Variants in RHEB observed in about 807,000 individuals in gnomAD.
The protein encoded by RHEB is GTP-binding protein Rheb.
In RHEB, 2 loss-of-function variants were observed where a neutral mutation model predicts 28.8. The observed-to-expected ratio is 0.07, with a 90% confidence interval of 0.03 to 0.22. RHEB has a LOEUF of 0.22. RHEB is among the 10% of genes least tolerant of loss of function. The pLI is 1.00. For missense variants in RHEB, 76 were observed against 219.9 expected, an observed-to-expected ratio of 0.35 and a Z score of 4.14; for synonymous variants, 69 against 77.3, an observed-to-expected ratio of 0.89 and a Z score of 0.56.
chr7:151,514,184 A>G (rs74450914), intron 1 of RHEB, among the ~76,000 whole-genome samples: 4,902 of 152,314 alleles, frequency 0.032, 256 homozygotes, highest in African/African-American at 0.11. Flanking sequence ...GCAAAAGTAT[A>G]AAGTTCTATC....
At chr7:151,516,739 A>G (rs970796213) in intron 1 of RHEB, among the ~76,000 whole-genome samples, 21 of 152,324 alleles carry the variant, frequency 1.4e-4, no homozygotes, top group African/African-American at 5.1e-4. Context: ...CACAATGACA[A>G]GTATCCTACT....
At chr7:151,503,268 G>GC in intron 1 of RHEB, 2 of 783,370 alleles carry the variant, frequency 2.6e-6, no homozygotes, top group Non-Finnish European at 4.7e-6. Flanking sequence ...TCGAGAGCAT[G>GC]CCCCTGTTGG....
chr7:151,501,859 G>A (rs1388314506), intron 1 of RHEB: 2 of 600,342 alleles, frequency 3.3e-6, no homozygotes, highest in African/African-American at 1.9e-5. Flanking sequence ...TGGGCCCTTA[G>A]GGAAGAGGAG....
intron 4 of RHEB, among the ~76,000 whole-genome samples, chr7:151,473,438 A>AG (rs1802202042): frequency 6.6e-6 from 1 of 152,222 alleles, no homozygotes; most frequent in South Asian, 2.1e-4. Context: ...GAGAGACTGA[A>AG]GCAGAGGACA....
At position 151,467,040 on chromosome 7, in the gene RHEB, A is replaced by G; in HGVS notation, c.*79T>C. ...GGTTAACAGAAGAAAAAAGAAGCAT[A>G]GTTTATCTTCAAGGAGAACGGGCAG... On this transcript the variant is annotated 3_prime_UTR_variant, in exon 8 of 8. Coordinates refer to ENST00000262187, the MANE Select transcript of RHEB (RefSeq NM_005614.4). 1 of 1,014,160 alleles carries G rather than the reference A, an allele frequency of 9.9e-7. No individual in the cohort carries two copies. The highest frequency in any genetic ancestry group is 1.6e-6 in the Non-Finnish European group (1 of 644,972). The allele number at this position is 1,014,160 out of a possible 1,614,324, so 62.8% of individuals were successfully genotyped here.
At chr7:151,496,759 C>T (rs888747258) in intron 1 of RHEB, among the ~76,000 whole-genome samples, 1 of 151,960 alleles carries the variant, frequency 6.6e-6, no homozygotes, top group African/African-American at 2.4e-5. Flanking sequence ...TTCAACAAAC[C>T]TCTATGACTT....
intron 7 of RHEB, among the ~76,000 whole-genome samples, chr7:151,470,089 A>G (rs1802134000): frequency 6.6e-6 from 1 of 152,180 alleles, no homozygotes; most frequent in South Asian, 2.1e-4. Flanking sequence ...TTGAAGGCAC[A>G]TCTGCGGGGT....
intron 1 of RHEB, among the ~76,000 whole-genome samples, chr7:151,499,672 C>T (rs1289232334): frequency 6.6e-5 from 10 of 152,234 alleles, no homozygotes; most frequent in Non-Finnish European, 2.9e-5. Context: ...CAAACACCAA[C>T]TGAAGTCCTA....
chr7:151,491,615 T>C (rs945525382), intron 1 of RHEB, among the ~76,000 whole-genome samples: 3 of 152,044 alleles, frequency 2.0e-5, no homozygotes, highest in African/African-American at 7.2e-5. Flanking sequence ...CGGGCACCTG[T>C]AATCCCAGCT....
intron 1 of RHEB, among the ~76,000 whole-genome samples, chr7:151,493,107 C>T (rs1230310659): frequency 6.6e-6 from 1 of 152,130 alleles, no homozygotes; most frequent in Non-Finnish European, 1.5e-5. Context: ...TCCCAAAGTG[C>T]TGGGATGACA....
intron 2 of RHEB, among the ~76,000 whole-genome samples, chr7:151,489,822 T>C (rs1306448599): frequency 6.6e-6 from 1 of 152,238 alleles, no homozygotes; most frequent in East Asian, 1.9e-4. Context: ...GAAAAACCTT[T>C]CTTAGCTCTT....
Position 151,486,262 on chromosome 7 carries a change from CAGTTATCAAGTATA to C in RHEB, c.125-1472_125-1459del. 2.6e-5 allele frequency among the ~76,000 whole-genome samples: 4 copies of C among 152,270 alleles called. 1 individual carries two copies. The highest frequency in any genetic ancestry group is 2.6e-4 in the Admixed American group (4 of 15,290). On this transcript the variant is annotated intron_variant, in intron 2 of 7. Coordinates refer to ENST00000262187, the MANE Select transcript of RHEB (RefSeq NM_005614.4). ...ACCTTCAATTAGAACTAAGTAACTG[CAGTTATCAAGTATA>C]ATTATGATGACAAGGTTACTGAAAG...
chr7:151,492,838 ATTT>A (rs538597333), intron 1 of RHEB, among the ~76,000 whole-genome samples: 2 of 125,174 alleles, frequency 1.6e-5, no homozygotes, highest in East Asian at 2.3e-4. Context: ...AATTCTCAAC[ATTT>A]TTTTTTTTTT....
At chr7:151,513,642 G>C (rs1803028547) in intron 1 of RHEB, among the ~76,000 whole-genome samples, 1 of 152,170 alleles carries the variant, frequency 6.6e-6, no homozygotes, top group African/African-American at 2.4e-5. Context: ...CTGCGGAGTT[G>C]GGCAAATTCA....
At position 151,490,183 on chromosome 7, in the gene RHEB, G is replaced by C. The variant is rs895806826; in HGVS notation, c.124+760C>G. Among the ~76,000 whole-genome samples, 90 of 152,184 alleles carry C rather than the reference G, an allele frequency of 5.9e-4. 5 individuals carry two copies. Among genetic ancestry groups the C allele is most frequent in the Non-Finnish European group, 1.5e-5 (1 of 68,030 alleles). On this transcript the variant is annotated intron_variant, in intron 2 of 7. Coordinates refer to ENST00000262187, the MANE Select transcript of RHEB (RefSeq NM_005614.4). The stretch of plus-strand genomic sequence containing the variant: ...CTGGGCACAGTGTTGTATGCCTGTA[G>C]TTCCAGCCACCTGGGAGGCTGAGGA...
At chr7:151,482,745 C>G (rs1175363996) in intron 3 of RHEB, among the ~76,000 whole-genome samples, 1 of 152,066 alleles carries the variant, frequency 6.6e-6, no homozygotes, top group Non-Finnish European at 1.5e-5. Context: ...TTATTAGCAC[C>G]CCCAGCCCAC....
chr7:151,480,309 CG>C (rs1240884007), intron 3 of RHEB, among the ~76,000 whole-genome samples: 5 of 151,978 alleles, frequency 3.3e-5, no homozygotes, highest in Admixed American at 3.3e-4. Context: ...CTGGATATTA[CG>C]CAGCCTTGGG....
intron 1 of RHEB, among the ~76,000 whole-genome samples, chr7:151,516,527 G>A (rs1458382386): frequency 2.0e-5 from 3 of 150,178 alleles, no homozygotes; most frequent in Non-Finnish European, 4.4e-5. Context: ...GGAGGCTGAG[G>A]CAGGAGAATC....
chr7:151,488,526 T>C (rs1170567609), intron 2 of RHEB, among the ~76,000 whole-genome samples: 1 of 152,226 alleles, frequency 6.6e-6, no homozygotes, highest in East Asian at 1.9e-4. Flanking sequence ...TTCATTGTTA[T>C]CACTGAACAA....
Sources: allele counts gnomAD v4.1 joint callset (sites outside exome capture counted in the v4.1 genomes callset), GRCh38; gene constraint gnomAD v4.1.1; transcripts MANE v1.5; gene names NCBI Gene and HGNC (gene_info 2026-07-23, HGNC 2026-07-21).